The following BPTF variants were observed in gnomAD, a reference collection of about 807,000 sequenced individuals.
The protein encoded by BPTF is nucleosome-remodeling factor subunit BPTF.
BPTF carries 18 observed loss-of-function variants against 292.5 expected under a neutral mutation model. The ratio of observed to expected loss-of-function variants is 0.06; its 90% CI spans 0.04 to 0.09. The LOEUF (loss-of-function observed/expected upper bound fraction) is 0.09. Among genes scored for constraint, BPTF ranks in the 10% least tolerant of loss-of-function variants. The pLI is 1.00. For missense variants in BPTF, 2,726 were observed against 3,498.7 expected (o/e 0.78, Z 5.57); for synonymous variants, 1,225 against 1,251.9 (o/e 0.98, Z 0.45).
In BPTF at chr17:67,826,204, C is replaced by A; in HGVS notation, c.480C>A (p.Asp160Glu). ...CCGAGGAGACCCAGGATTCTGAGGA[C>A]GACGAGGAGGATGAGATGGAAGAGG... Reference protein sequence around the residue: ...GDAEETQDSEDDEEDEMEEDD... With the variant: ...GDAEETQDSEEDEEDEMEEDD... The change falls in exon 1 of 28, where the codon GAC becomes GAA. Residue 160 changes from aspartate to glutamate, a missense_variant. Asp to Glu is a conservative substitution (Grantham distance 45). This residue lies in a region of BPTF where 153 missense variants were observed against 178.3 expected (regional missense o/e 0.86). Coordinates refer to ENST00000306378, the MANE Select transcript of BPTF (RefSeq NM_182641.4). 1 of 1,612,352 alleles carries A rather than the reference C, an allele frequency of 6.2e-7. No homozygotes were observed. The highest frequency in any genetic ancestry group is 8.5e-7 in the Non-Finnish European group (1 of 1,178,602).
At chr17:67,926,214 G>A (rs1010036557) in intron 15 of BPTF, among the ~76,000 whole-genome samples, 22 of 150,408 alleles carry the variant, frequency 1.5e-4, no homozygotes, top group African/African-American at 5.4e-4. Context: ...TTGCCATATT[G>A]CCCAGGCTAG....
intron 3 of BPTF, among the ~76,000 whole-genome samples, chr17:67,868,354 A>C (rs965130339): frequency 6.6e-6 from 1 of 152,140 alleles, no homozygotes; most frequent in Non-Finnish European, 1.5e-5. Flanking sequence ...TGTGTTTTCT[A>C]ATGTAGCCAT....
chr17:67,851,309 A>G (rs1050301572), intron 1 of BPTF, among the ~76,000 whole-genome samples: 3 of 151,024 alleles, frequency 2.0e-5, no homozygotes, highest in African/African-American at 4.9e-5. Context: ...CCATATAGGA[A>G]TAGACTGAAA....
chr17:67,880,644 TG>T (rs1166359626), intron 4 of BPTF, among the ~76,000 whole-genome samples: 1 of 152,170 alleles, frequency 6.6e-6, no homozygotes, highest in Admixed American at 6.5e-5. Flanking sequence ...TTTGGTTTTT[TG>T]TGTGTGTGTA....
intron 27 of BPTF, among the ~76,000 whole-genome samples, chr17:67,978,803 G>A (rs1252846459): frequency 6.6e-6 from 1 of 152,148 alleles, no homozygotes; most frequent in African/African-American, 2.4e-5. Flanking sequence ...AAAAACATAA[G>A]GCTATGATTA....
chr17:67,926,148 C>T (rs1379806508), intron 15 of BPTF, among the ~76,000 whole-genome samples: 2 of 150,552 alleles, frequency 1.3e-5, no homozygotes, highest in Non-Finnish European at 3.0e-5. Flanking sequence ...ACTGGGACTA[C>T]AGGCATGCAC....
chr17:67,848,396 A>T (rs760196246), intron 1 of BPTF, among the ~76,000 whole-genome samples: 3 of 152,208 alleles, frequency 2.0e-5, no homozygotes, highest in Admixed American at 2.0e-4. Flanking sequence ...AGGGGGCATG[A>T]GTAATTGCCT....
chr17:67,884,325 C>T (rs973665466), intron 4 of BPTF, among the ~76,000 whole-genome samples: 1 of 151,796 alleles, frequency 6.6e-6, no homozygotes, highest in Non-Finnish European at 1.5e-5. Flanking sequence ...AGGCTGCTCT[C>T]GAATGCCTGA....
intron 1 of BPTF, among the ~76,000 whole-genome samples, chr17:67,835,212 T>TAAA (rs35146367): frequency 6.6e-6 from 1 of 150,564 alleles, no homozygotes; most frequent in Non-Finnish European, 1.5e-5. Context: ...ACCCATCTCT[T>TAAA]AAAAAAAAAA....
chr17:67,933,725 C>G (rs1430179205), intron 18 of BPTF, among the ~76,000 whole-genome samples: 1 of 152,068 alleles, frequency 6.6e-6, no homozygotes, highest in Admixed American at 6.6e-5. Context: ...AACTATGTAT[C>G]AACTTTTGTG....
chr17:67,901,840 T>C (rs141244918), intron 7 of BPTF, among the ~76,000 whole-genome samples: 119 of 152,324 alleles, frequency 7.8e-4, no homozygotes, highest in African/African-American at 2.7e-3. Flanking sequence ...GCATTTTCAG[T>C]GCAAGAACTT....
chr17:67,890,597 G>A (rs1299783899), intron 4 of BPTF, among the ~76,000 whole-genome samples: 1 of 152,182 alleles, frequency 6.6e-6, no homozygotes, highest in Non-Finnish European at 1.5e-5. Context: ...CCTGCTGCTC[G>A]CTCCAAAGGG....
chr17:67,875,524 T>C (rs202246196), intron 4 of BPTF: 22 of 1,432,776 alleles, frequency 1.5e-5, no homozygotes, highest in Non-Finnish European at 2.0e-5. Context: ...TTAAAGAATA[T>C]CTTTGAAGTT....
intron 15 of BPTF, among the ~76,000 whole-genome samples, chr17:67,925,926 T>A (rs2063833936): frequency 6.6e-6 from 1 of 151,690 alleles, no homozygotes; most frequent in African/African-American, 2.4e-5. Flanking sequence ...AACAACTGGC[T>A]AGTTGTATTG....
At chr17:67,896,689 T>TA (rs570603603) in intron 7 of BPTF, among the ~76,000 whole-genome samples, 70 of 152,132 alleles carry the variant, frequency 4.6e-4, no homozygotes, top group Non-Finnish European at 7.9e-4. Context: ...AGGTAAGAAA[T>TA]ACACTTCTAA....
Position 67,854,386 on chromosome 17 carries a change from T to C in BPTF, c.1060T>C (p.Tyr354His). ...LPYQEAEDYP[Y>H]GPVENKIKVL... ...TTACCAAGAGGCAGAGGACTACCCA[T>C]ATGGACCAGTAGAGAACAAGATCAA... The change falls in exon 2 of 28, where the codon TAT (tyrosine) becomes CAT (histidine). Residue 354 changes from tyrosine to histidine, a missense_variant. By Grantham distance (83) the Tyr-to-His change is moderately conservative (BLOSUM62 2). Transcript: ENST00000306378. This position sits in a 1 kb window ranked among gnomAD's most constrained non-coding sequence, Gnocchi z 5.6. The C allele has an allele frequency of 1.2e-6, 2 of 1,614,178 alleles. No homozygotes were observed. Among genetic ancestry groups the C allele is most frequent in the Non-Finnish European group, 8.5e-7 (1 of 1,180,028 alleles).
intron 19 of BPTF, among the ~76,000 whole-genome samples, chr17:67,941,286 G>A (rs11079713): frequency 0.9 from 136,959 of 152,104 alleles, 63,492 homozygotes; most frequent in East Asian, 1. Flanking sequence ...TTCCATCTCT[G>A]CTAAAAGTAC....
chr17:67,966,714 C>T, intron 26 of BPTF, 58 bp downstream of exon 26: 1 of 1,326,670 alleles, frequency 7.5e-7, no homozygotes, highest in Non-Finnish European at 1.0e-6. Flanking sequence ...GTTTTATTAT[C>T]CATAAAATTA....
chr17:67,846,976 C>T (rs2058074992), intron 1 of BPTF, among the ~76,000 whole-genome samples: 1 of 152,094 alleles, frequency 6.6e-6, no homozygotes, highest in Non-Finnish European at 1.5e-5. Context: ...GCTGGAATTA[C>T]AGGCATGAGC....
Sources: gnomAD v4.1 joint callset for allele counts (sites outside exome capture counted in the v4.1 genomes callset) on GRCh38, gnomAD v4.1.1 for gene constraint, gnomAD v4.1.1 regional missense constraint, Gnocchi (gnomAD v3.1) non-coding constraint, MANE v1.5 for transcripts, NCBI Gene and HGNC (gene_info 2026-07-23, HGNC 2026-07-21) for gene names.